PTPDC1: variants seen among roughly 807,000 people sequenced by gnomAD.
PTPDC1 encodes the protein protein tyrosine phosphatase domain-containing protein 1.
Under a neutral mutation model 75.3 loss-of-function variants are expected in PTPDC1, and 53 were observed. The observed-to-expected ratio is 0.70, with a 90% CI of 0.56 to 0.88. The LOEUF (loss-of-function observed/expected upper bound fraction) is 0.88, where lower values mean the gene tolerates loss of function less well. PTPDC1 is among the 40% of genes least tolerant of loss of function. The probability of loss-of-function intolerance (pLI) is 0.00; values close to 1 mark genes in which losing one functional copy is unlikely to be tolerated. For synonymous variants in PTPDC1, 349 were observed against 366.2 expected, an observed-to-expected ratio of 0.95 and a Z score of 0.54; for missense variants, 925 against 998.6, an observed-to-expected ratio of 0.93 and a Z score of 0.99.
At chr9:94,101,134 A>G (rs1827823142) in intron 6 of PTPDC1, 1 of 152,986 alleles carries the variant, frequency 6.5e-6, no homozygotes, top group South Asian at 2.1e-4. Context: ...ATGTTCCCTT[A>G]TTTCTACTTT....
At chr9:94,072,441 T>G (rs913076057) in intron 2 of PTPDC1, among the ~76,000 whole-genome samples, 3 of 152,204 alleles carry the variant, frequency 2.0e-5, no homozygotes, top group African/African-American at 7.2e-5. Flanking sequence ...TTTTGGTGAT[T>G]CCTTGGGATT....
At chr9:94,105,779 T>C (rs1233660821) in intron 8 of PTPDC1, among the ~76,000 whole-genome samples, 1 of 149,308 alleles carries the variant, frequency 6.7e-6, no homozygotes, top group East Asian at 2.0e-4. Flanking sequence ...CCATCCTGGA[T>C]AACATGGTGA....
intron 2 of PTPDC1, among the ~76,000 whole-genome samples, chr9:94,078,852 A>G (rs73518256): frequency 0.052 from 7,950 of 152,160 alleles, 640 homozygotes; most frequent in African/African-American, 0.18. Flanking sequence ...CTTTATTGGT[A>G]TTCTGTATCT....
chr9:94,064,174 A>G (rs1192805915), intron 1 of PTPDC1, among the ~76,000 whole-genome samples: 2 of 152,200 alleles, frequency 1.3e-5, no homozygotes, highest in Non-Finnish European at 2.9e-5. Context: ...CATCTTTATT[A>G]GAATTTCTTT....
chr9:94,078,722 C>T (rs1234482578), intron 2 of PTPDC1, among the ~76,000 whole-genome samples: 1 of 152,114 alleles, frequency 6.6e-6, no homozygotes, highest in African/African-American at 2.4e-5. Context: ...TCTTCAGGTT[C>T]TCTAATTCTT....
At chr9:94,048,118 G>A (rs1441617368) in intron 1 of PTPDC1, among the ~76,000 whole-genome samples, 3 of 152,112 alleles carry the variant, frequency 2.0e-5, no homozygotes, top group Non-Finnish European at 2.9e-5. Context: ...AGTCTTGCTA[G>A]CGGTCTATCA....
At chr9:94,070,070 G>T (rs1043030766) in intron 2 of PTPDC1, among the ~76,000 whole-genome samples, 3 of 151,918 alleles carry the variant, frequency 2.0e-5, no homozygotes, top group African/African-American at 4.8e-5. Flanking sequence ...TGATCCGCCC[G>T]CCTCTGCCTC....
chr9:94,031,265 G>A (rs1158233963), intron 1 of PTPDC1: 1 of 152,188 alleles, frequency 6.6e-6, no homozygotes, highest in Non-Finnish European at 1.5e-5. Flanking sequence ...AAGTTTAAAG[G>A]TCTTGGATTT....
intron 5 of PTPDC1, among the ~76,000 whole-genome samples, chr9:94,096,518 A>G (rs1827573561): frequency 6.6e-6 from 1 of 152,140 alleles, no homozygotes; most frequent in African/African-American, 2.4e-5. Flanking sequence ...CTTTTACTTT[A>G]ATATTAATTG....
At position 94,098,436 on chromosome 9, in the gene PTPDC1, G is replaced by A. The variant is rs764475812; in HGVS notation, c.1870G>A (p.Asp624Asn). The A allele has an allele frequency of 1.9e-6, 3 of 1,614,214 alleles. No homozygotes were observed. Among genetic ancestry groups the A allele is most frequent in the Non-Finnish European group, 1.7e-6 (2 of 1,180,038 alleles). ...TGAACATGAAACCCAGGACAGTAAA[G>A]ATCTGTCTGAAGCAGCTTCACACTC... ...LVEHETQDSKDLSEAASHSAL... is the reference protein window; with the variant it reads ...LVEHETQDSKNLSEAASHSAL... The change falls in exon 6 of 9, where the codon GAT (aspartate) becomes AAT (asparagine). Residue 624 changes from aspartate to asparagine, a missense_variant. Physicochemically the swap from Asp to Asn is conservative, Grantham distance 23. Coordinates refer to ENST00000620992, the MANE Select transcript of PTPDC1 (RefSeq NM_001253829.2).
chr9:94,076,367 GC>G (rs1310010293), intron 2 of PTPDC1, among the ~76,000 whole-genome samples: 1 of 152,178 alleles, frequency 6.6e-6, no homozygotes, highest in Non-Finnish European at 1.5e-5. Flanking sequence ...GGCCCAAGGA[GC>G]CACCAGACTA....
At position 94,094,132 on chromosome 9, in the gene PTPDC1, G is replaced by A. The variant is rs373522990; in HGVS notation, c.617-1185G>A. On this transcript the variant is annotated intron_variant, in intron 4 of 8. Coordinates refer to ENST00000620992, the MANE Select transcript of PTPDC1 (RefSeq NM_001253829.2). ...TGTTCCGTTGCTGGTGAGGAACTGC[G>A]TTCCTTTGGAGGAGGAGAGGTGCTC... Among the ~76,000 whole-genome samples the A allele has an allele frequency of 7.9e-5, 12 of 152,306 alleles. No homozygotes were observed. In the East Asian group the frequency reaches 1.2e-3, roughly 15 times the overall value.
At chr9:94,031,159 C>G (rs886086096) in intron 1 of PTPDC1, 7 of 152,340 alleles carry the variant, frequency 4.6e-5, no homozygotes, top group Admixed American at 2.6e-4. Flanking sequence ...TAGCCGCACA[C>G]TCAGTATGGT....
intron 2 of PTPDC1, among the ~76,000 whole-genome samples, chr9:94,066,969 T>C (rs1245712563): frequency 6.6e-6 from 1 of 152,226 alleles, no homozygotes; most frequent in Non-Finnish European, 1.5e-5. Flanking sequence ...CCCCCATATA[T>C]GCATCATCCC....
chr9:94,035,927 T>C lies in PTPDC1; in HGVS notation c.-7+4800T>C, dbSNP rs149531282. Among the ~76,000 whole-genome samples the C allele has an allele frequency of 5.7e-3, 871 of 152,282 alleles. 3 individuals carry two copies. Among genetic ancestry groups the C allele is most frequent in the Non-Finnish European group, 7.1e-3 (480 of 68,030 alleles). On this transcript the variant is annotated intron_variant, in intron 1 of 9. Coordinates refer to the PTPDC1 transcript ENST00000375360. ...ATTTGCACTCCCTCATGATTAGTGA[T>C]GTTGAGCACTTTTTCATGTACCTGT...
intron 7 of PTPDC1, 59 bp from the exon 8 acceptor site, chr9:94,104,216 A>G: frequency 8.7e-7 from 1 of 1,150,596 alleles, no homozygotes; most frequent in Non-Finnish European, 1.3e-6. Context: ...ATAGTTTTGA[A>G]TTGATTTATT....
At chr9:94,087,994 C>T in intron 3 of PTPDC1, 83 bp downstream of exon 3, 1 of 1,473,236 alleles carries the variant, frequency 6.8e-7, no homozygotes. Flanking sequence ...TGAAAGAGTG[C>T]TTTCATTTTA....
intron 2 of PTPDC1, among the ~76,000 whole-genome samples, chr9:94,069,150 G>C (rs1040566585): frequency 6.6e-6 from 1 of 152,068 alleles, no homozygotes; most frequent in African/African-American, 2.4e-5. Context: ...ACTACTACTG[G>C]TATATCATGA....
At chr9:94,094,751 C>A (rs73623710) in intron 4 of PTPDC1, among the ~76,000 whole-genome samples, 2 of 152,224 alleles carry the variant, frequency 1.3e-5, no homozygotes, top group African/African-American at 4.8e-5. Context: ...TAGGACCCTC[C>A]GAGCCAGGTG....
Sources: gnomAD v4.1 joint callset for allele counts (sites outside exome capture counted in the v4.1 genomes callset) on GRCh38, gnomAD v4.1.1 for gene constraint, MANE v1.5 for transcripts, NCBI Gene and HGNC (gene_info 2026-07-23, HGNC 2026-07-21) for gene names.